Variants in NXPE3 observed in about 807,000 individuals in gnomAD.
NXPE3 encodes NXPE family member 3.
NXPE3 carries 26 observed loss-of-function variants against 46.1 expected under a neutral mutation model. The ratio of observed to expected loss-of-function variants is 0.56; its 90% CI spans 0.41 to 0.78. The LOEUF (loss-of-function observed/expected upper bound fraction) is 0.78, where lower values mean the gene tolerates loss of function less well. Among genes scored for constraint, NXPE3 ranks in the 30% least tolerant of loss-of-function variants. The probability of loss-of-function intolerance (pLI) is 0.00; values close to 1 mark genes in which losing one functional copy is unlikely to be tolerated. For missense variants in NXPE3, 620 were observed against 686.0 expected (o/e 0.90, Z 1.07); for synonymous variants, 272 against 257.9 (o/e 1.05, Z -0.52).
At position 101,801,975 on chromosome 3, in the gene NXPE3, T is replaced by A. The variant is rs150145477; in HGVS notation, c.834T>A (p.Ser278Arg). The stretch of plus-strand genomic sequence containing the variant: ...AAGGTCTCCTAACCGCTGCAGAGAG[T>A]GCTTTCTTCCAGAGGTATGTACTGC... ...YLKGLLTAAESAFFQSGVNIK... is the reference protein window; with the variant it reads ...YLKGLLTAAERAFFQSGVNIK... Residue 278 changes from serine (S) to arginine (R), a missense_variant, in exon 5 of 8, where the codon AGT becomes AGA. Physicochemically the swap from Ser to Arg is moderately radical, Grantham distance 110. Around this residue, in one of 3 missense-constraint regions of NXPE3, gnomAD observed 511 missense variants for 528.6 expected, o/e 0.97. Coordinates refer to ENST00000273347, the MANE Select transcript of NXPE3 (RefSeq NM_145037.4). The A allele has an allele frequency of 4.4e-6, 7 of 1,607,948 alleles. No individual in the cohort carries two copies. The African/African-American group carries it at 9.4e-5, about 22-fold the overall frequency.
In NXPE3 at chr3:101,802,004, T is replaced by C. The variant is rs760843517; in HGVS notation, c.848+15T>C. ...TTCTTCCAGAGGTATGTACTGCTTT[T>C]TCTTGGGGATGATTTGAAGAGTTCT... is the stretch of plus-strand genomic sequence containing the variant. On this transcript the variant is annotated intron_variant, in intron 5 of 7. Transcript: ENST00000273347. 32 of 1,571,104 alleles carry C rather than the reference T, an allele frequency of 2.0e-5. 1 individual carries two copies. The South Asian group carries it at 3.7e-4, about 18-fold the overall frequency.
chr3:101,791,086 C>T (rs536195078), intron 4 of NXPE3, among the ~76,000 whole-genome samples: 20 of 152,270 alleles, frequency 1.3e-4, no homozygotes, highest in Admixed American at 1.2e-3. Context: ...CTGCTCCTCT[C>T]CCTCCTCCCA....
intron 5 of NXPE3, among the ~76,000 whole-genome samples, chr3:101,803,988 G>A (rs1941293075): frequency 6.6e-6 from 1 of 152,160 alleles, no homozygotes; most frequent in African/African-American, 2.4e-5. Context: ...TGAGGTAGAT[G>A]TGATATTTTG....
intron 6 of NXPE3, among the ~76,000 whole-genome samples, chr3:101,808,116 T>C (rs1941510831): frequency 6.6e-6 from 1 of 152,212 alleles, no homozygotes; most frequent in Non-Finnish European, 1.5e-5. Flanking sequence ...ACAGAAACCC[T>C]GGCTGGTGGG....
At chr3:101,811,727 AT>A (rs33999838) in intron 6 of NXPE3, among the ~76,000 whole-genome samples, 2,324 of 98,638 alleles carry the variant, frequency 0.024, 14 homozygotes, top group African/African-American at 0.036. Flanking sequence ...GCAGTAGTTA[AT>A]TTTTTTTTTT....
rs917930136 is a variant in NXPE3 at position 101,821,537 on chromosome 3, G to C, written c.1263G>C (p.Glu421Asp). The C allele has an allele frequency of 1.9e-6, 3 of 1,614,218 alleles. No homozygotes were observed. Among genetic ancestry groups the C allele is most frequent in the African/African-American group, 1.3e-5 (1 of 75,052 alleles). The change falls in exon 8 of 8, where the codon GAG (glutamate) becomes GAC (aspartate). Residue 421 changes from glutamate to aspartate, a missense_variant. By Grantham distance (45) the Glu-to-Asp change is conservative. Coordinates refer to ENST00000273347, the MANE Select transcript of NXPE3 (RefSeq NM_145037.4). ...PIRFTTVFSNELHYVANELNG... is the reference protein window; with the variant it reads ...PIRFTTVFSNDLHYVANELNG... Reference sequence around the variant, plus strand: ...GCTTCACGACTGTCTTTAGCAATGAGCTCCATTATGTGGCGAATGAGCTGA... The same window carrying C: ...GCTTCACGACTGTCTTTAGCAATGACCTCCATTATGTGGCGAATGAGCTGA...
At chr3:101,804,162 G>A (rs1187905304) in intron 5 of NXPE3, among the ~76,000 whole-genome samples, 8 of 152,212 alleles carry the variant, frequency 5.3e-5, no homozygotes, top group East Asian at 1.9e-4. Context: ...ATAGAGTTAC[G>A]TTGTCAGTCT....
chr3:101,820,216 A>G (rs1942185223), intron 7 of NXPE3, among the ~76,000 whole-genome samples: 1 of 152,246 alleles, frequency 6.6e-6, no homozygotes, highest in African/African-American at 2.4e-5. Context: ...TTAAATTATC[A>G]TAAACAGACA....
At chr3:101,782,982 C>A (rs1262259439) in intron 3 of NXPE3, among the ~76,000 whole-genome samples, 1 of 151,826 alleles carries the variant, frequency 6.6e-6, no homozygotes, top group Non-Finnish European at 1.5e-5. Context: ...TTTTTATTTC[C>A]TGGTGAAAAA....
chr3:101,804,343 G>A (rs541530427), intron 5 of NXPE3, among the ~76,000 whole-genome samples: 3 of 152,304 alleles, frequency 2.0e-5, no homozygotes, highest in African/African-American at 7.2e-5. Flanking sequence ...ATAAAATAAT[G>A]TGTTTGTCCC....
chr3:101,808,854 T>TATATATATACAC (rs770360739), intron 6 of NXPE3, among the ~76,000 whole-genome samples: 1 of 100,348 alleles, frequency 1.0e-5, no homozygotes, highest in African/African-American at 3.6e-5. Flanking sequence ...TATATATATA[T>TATATATATACAC]ATGAGACATT....
chr3:101,779,705 C>G (rs930242542), intron 1 of NXPE3: 1 of 152,500 alleles, frequency 6.6e-6, no homozygotes, highest in Non-Finnish European at 1.5e-5. Flanking sequence ...CGGACCTCCA[C>G]GCCGCAGCGA....
chr3:101,794,237 G>A (rs1158667288), intron 4 of NXPE3, among the ~76,000 whole-genome samples: 2 of 152,020 alleles, frequency 1.3e-5, no homozygotes, highest in Non-Finnish European at 2.9e-5. Flanking sequence ...GCTGAAGGGG[G>A]GAGGAGAGGA....
Position 101,824,331 on chromosome 3 carries a change from T to C in NXPE3, c.*2377T>C, listed in dbSNP as rs1021312293. The stretch of plus-strand genomic sequence containing the variant: ...GTTCATGATCCAATAGTATTGGTGA[T>C]ATTAGCTCCATTTTATAGATGAGGA... On this transcript the variant is annotated 3_prime_UTR_variant, in exon 8 of 8. Transcript: ENST00000273347. 1 of 152,226 alleles carries C rather than the reference T, an allele frequency of 6.6e-6. No individual in the cohort carries two copies. The highest frequency in any genetic ancestry group is 1.5e-5 in the Non-Finnish European group (1 of 68,044). The allele number at this position is 152,226 out of a possible 1,614,324, so 9.4% of individuals were successfully genotyped here.
intron 4 of NXPE3, among the ~76,000 whole-genome samples, chr3:101,787,079 G>T (rs1940230115): frequency 6.6e-6 from 1 of 151,754 alleles, no homozygotes; most frequent in Non-Finnish European, 1.5e-5. Context: ...CTTGTACCTG[G>T]GAGGCAGAGG....
At chr3:101,792,326 A>G (rs1037573151) in intron 4 of NXPE3, among the ~76,000 whole-genome samples, 8 of 152,248 alleles carry the variant, frequency 5.3e-5, no homozygotes, top group African/African-American at 1.9e-4. Flanking sequence ...TTTTGTCATG[A>G]AATCTTTGCC....
intron 5 of NXPE3, among the ~76,000 whole-genome samples, chr3:101,805,730 C>T (rs553378991): frequency 6.6e-6 from 1 of 152,176 alleles, no homozygotes; most frequent in Admixed American, 6.5e-5. Context: ...CGTAAGCCAC[C>T]ACGCCCAGTC....
intron 7 of NXPE3, among the ~76,000 whole-genome samples, chr3:101,817,515 G>A (rs560661537): frequency 6.6e-6 from 1 of 152,190 alleles, no homozygotes; most frequent in Non-Finnish European, 1.5e-5. Flanking sequence ...TACCATTGGT[G>A]TGACTCTGAG....
chr3:101,819,828 A>G (rs896510813), intron 7 of NXPE3, among the ~76,000 whole-genome samples: 2 of 152,340 alleles, frequency 1.3e-5, no homozygotes, highest in Middle Eastern at 3.4e-3. Context: ...TATGGTTACC[A>G]TGTTGTGCAA....
Sources: allele counts gnomAD v4.1 joint callset (sites outside exome capture counted in the v4.1 genomes callset), GRCh38; gene constraint gnomAD v4.1.1; regional missense constraint gnomAD v4.1.1; transcripts MANE v1.5; gene names NCBI Gene and HGNC (gene_info 2026-07-23, HGNC 2026-07-21).